GID8: variants seen among roughly 807,000 people sequenced by gnomAD.
GID8 encodes GID complex subunit 8 homolog.
In GID8, 6 loss-of-function variants were observed where a neutral mutation model predicts 27.4. That is an observed-to-expected ratio of 0.22 (90% CI 0.12 to 0.43). GID8 has a LOEUF of 0.43. GID8 is among the 20% of genes least tolerant of loss of function. The pLI, the probability that GID8 is intolerant of heterozygous loss-of-function variation, is 1.00. For synonymous variants in GID8, 112 were observed against 109.0 expected, an observed-to-expected ratio of 1.03 and a Z score of -0.17; for missense variants, 173 against 287.6, an observed-to-expected ratio of 0.60 and a Z score of 2.88.
chr20:62,943,669 C>T lies in GID8; in HGVS notation c.490C>T (p.Leu164Phe). The change falls in exon 4 of 5, where the codon CTC becomes TTC. Residue 164 changes from leucine (L) to phenylalanine (F), a missense_variant. Transcript: ENST00000266069. The surrounding 1 kb of genome is among the most constrained non-coding windows in gnomAD (Gnocchi z 4.7). ...SPEESPFGDL[L>F]HTMQRQKVWS... ...CGAGGAGTCGCCCTTCGGAGACCTC[C>T]TCCACACCATGCAGAGGCAGAAGGT... is the stretch of plus-strand genomic sequence containing the variant. 1 of 1,613,478 alleles carries T rather than the reference C, an allele frequency of 6.2e-7. No individual in the cohort carries two copies. The highest frequency in any genetic ancestry group is 8.5e-7 in the Non-Finnish European group (1 of 1,179,790).
In GID8 at chr20:62,943,043, G is replaced by A; in HGVS notation, c.175G>A (p.Val59Met). 3.7e-6 allele frequency: 6 copies of A among 1,614,110 alleles called. No individual in the cohort carries two copies. Among genetic ancestry groups the A allele is most frequent in the Non-Finnish European group, 5.1e-6 (6 of 1,179,938 alleles). ...FRMESGIEPS[V>M]DLETLDERIK... ...AATGGAATCTGGAATCGAACCTAGT[G>A]TGGATCTGGAAACACTTGATGAACG... Residue 59 changes from valine to methionine, a missense_variant, in exon 3 of 5, where the codon GTG becomes ATG. Coordinates refer to ENST00000266069, the MANE Select transcript of GID8 (RefSeq NM_017896.3). The surrounding 1 kb of genome is among the most constrained non-coding windows in gnomAD (Gnocchi z 4.7).
chr20:62,944,625 C>T, intron 4 of GID8, 114 bp from the exon 5 acceptor site: 1 of 745,726 alleles, frequency 1.3e-6, no homozygotes, highest in East Asian at 2.6e-5. Flanking sequence ...ATTTCATGTC[C>T]TGAGAGTGTC....
rs1247142625 is a variant in GID8, at chr20:62,946,871, C to G, written c.*1959C>G. The G allele has an allele frequency of 1.3e-5, 2 of 152,200 alleles. No homozygotes were observed. The highest frequency in any genetic ancestry group is 4.8e-5 in the African/African-American group (2 of 41,424). The allele number at this position is 152,200 out of a possible 1,614,324, so 9.4% of individuals were successfully genotyped here. A position where few individuals can be genotyped will look rare whatever the true frequency, so the allele number is the denominator to read the frequency against. ...ACAGCACCAGGTGATTCAGCATATT[C>G]CTAATTACCTTTCACTATTCGTGTA... On this transcript the variant is annotated 3_prime_UTR_variant, in exon 5 of 5. Transcript: ENST00000266069.
Position 62,938,179 on chromosome 20 carries a change from CCT to C in GID8, c.-83_-82del, listed in dbSNP as rs1277034487. The C allele has an allele frequency of 2.7e-5, 6 of 223,664 alleles. No individual in the cohort carries two copies. Among genetic ancestry groups the C allele is most frequent in the Admixed American group, 1.2e-4 (2 of 17,192 alleles). 13.9% of individuals were successfully genotyped at this position (223,664 alleles called of 1,614,324 possible). ...TACTCGGGCGCCCCGGCGGCCGCCACCTCTCCCCAGCCCAGGAGAGGCTGCGG... is the reference window on the plus strand; with the variant it reads ...TACTCGGGCGCCCCGGCGGCCGCCACCTCCCCAGCCCAGGAGAGGCTGCGG... On this transcript the variant is annotated 5_prime_UTR_variant, in exon 1 of 5. Coordinates refer to ENST00000266069, the MANE Select transcript of GID8 (RefSeq NM_017896.3).
At chr20:62,941,734 A>G (rs373881083) in intron 2 of GID8, 114 bp downstream of exon 2, 21 of 716,784 alleles carry the variant, frequency 2.9e-5, no homozygotes, top group African/African-American at 2.3e-4. Flanking sequence ...TTCAGACATT[A>G]TGAAAACACA....
Position 62,941,616 on chromosome 20 carries a change from C to G in GID8, c.114C>G (p.Val38=). ...DMNRLIMNYL[V]TEGFKEAAEK... ...ACCGCCTCATCATGAACTACCTGGTCACAGGTAATGGCTTACAGTGAGGAT... is the reference window on the plus strand; with the variant it reads ...ACCGCCTCATCATGAACTACCTGGTGACAGGTAATGGCTTACAGTGAGGAT... The change falls in exon 2 of 5, where the codon GTC becomes GTG. Residue 38 remains valine (V), a synonymous_variant. Coordinates refer to ENST00000266069, the MANE Select transcript of GID8 (RefSeq NM_017896.3). 3.3e-6 allele frequency: 5 copies of G among 1,504,162 alleles called. No homozygotes were observed. Among genetic ancestry groups the G allele is most frequent in the Non-Finnish European group, 4.6e-6 (5 of 1,079,328 alleles). 93.2% of individuals were successfully genotyped at this position (1,504,162 alleles called of 1,614,324 possible).
chr20:62,938,180 C>T lies in GID8; in HGVS notation c.-86C>T, dbSNP rs73611705. On this transcript the variant is annotated 5_prime_UTR_variant, in exon 1 of 5. Transcript: ENST00000266069. ...ACTCGGGCGCCCCGGCGGCCGCCAC[C>T]TCTCCCCAGCCCAGGAGAGGCTGCG... is the stretch of plus-strand genomic sequence containing the variant. 1.9e-4 allele frequency: 43 copies of T among 221,724 alleles called. No homozygotes were observed. In the East Asian group the frequency reaches 2.8e-3, roughly 14 times the overall value. 13.7% of individuals were successfully genotyped at this position (221,724 alleles called of 1,614,324 possible).
intron 1 of GID8, among the ~76,000 whole-genome samples, chr20:62,939,689 A>G (rs906342385): frequency 1.2e-4 from 18 of 152,092 alleles, no homozygotes; most frequent in African/African-American, 4.3e-4. Flanking sequence ...GACTCTGGCC[A>G]AAGCATCTTG....
At chr20:62,944,514 C>G (rs2065457067) in intron 4 of GID8, among the ~76,000 whole-genome samples, 1 of 152,216 alleles carries the variant, frequency 6.6e-6, no homozygotes. Flanking sequence ...CCAGTCCCCT[C>G]AGCACTTTGT....
At chr20:62,938,946 C>T (rs1485191620) in intron 1 of GID8, 6 of 152,102 alleles carry the variant, frequency 3.9e-5, no homozygotes, top group African/African-American at 1.4e-4. Flanking sequence ...GCGAGACTCC[C>T]TTCTCTGCTA....
chr20:62,938,355 C>T (rs2065416174), intron 1 of GID8, 102 bp downstream of exon 1: 1 of 151,212 alleles, frequency 6.6e-6, no homozygotes, highest in Non-Finnish European at 1.5e-5. Context: ...CGCCCCCGCT[C>T]TGGGGGCCTT....
At position 62,946,036 on chromosome 20, in the gene GID8, A is replaced by G. The variant is rs1171240135; in HGVS notation, c.*1124A>G. 3.1e-6 allele frequency: 4 copies of G among 1,288,088 alleles called. No individual in the cohort carries two copies. The Admixed American group carries it at 6.9e-5, about 22-fold the overall frequency. 79.8% of individuals were successfully genotyped at this position (1,288,088 alleles called of 1,614,324 possible). On this transcript the variant is annotated 3_prime_UTR_variant, in exon 5 of 5. Transcript: ENST00000266069. ...CATTGCCTGCGAGTCGGGACAGTTG[A>G]TGGGCACATGGCCTTGTAGCTCTGG...
At position 62,943,644 on chromosome 20, in the gene GID8, C is replaced by T. The variant is rs368932201; in HGVS notation, c.465C>T (p.Pro155=). The T allele has an allele frequency of 4.7e-5, 76 of 1,613,626 alleles. No homozygotes were observed. In the Middle Eastern group the frequency reaches 9.9e-4, roughly 21 times the overall value. The change falls in exon 4 of 5, where the codon CCC becomes CCT. Residue 155 remains proline, a synonymous_variant. Transcript: ENST00000266069. The surrounding 1 kb of genome is among the most constrained non-coding windows in gnomAD (Gnocchi z 4.7). ...TGGCACTGCTGGCCTTTGACAGTCCCGAGGAGTCGCCCTTCGGAGACCTCC... is the reference window on the plus strand; with the variant it reads ...TGGCACTGCTGGCCTTTGACAGTCCTGAGGAGTCGCCCTTCGGAGACCTCC... ...RTLALLAFDS[P]EESPFGDLLH...
intron 2 of GID8, among the ~76,000 whole-genome samples, chr20:62,942,503 C>T (rs1601071134): frequency 1.3e-5 from 2 of 152,200 alleles, no homozygotes; most frequent in African/African-American, 4.8e-5. Flanking sequence ...ATAATTATGT[C>T]AGGGGCAGGG....
At chr20:62,941,966 T>G (rs1279569956) in intron 2 of GID8, among the ~76,000 whole-genome samples, 1 of 152,184 alleles carries the variant, frequency 6.6e-6, no homozygotes, top group Non-Finnish European at 1.5e-5. Flanking sequence ...TTCTGGAAAG[T>G]ATGCCCAACT....
Position 62,942,981 on chromosome 20 carries a change from A to G in GID8, c.119-6A>G, listed in dbSNP as rs201241004. ...TCCTAGCAGTGAAGATGGTTTTTCT[A>G]TTCAGAGGGCTTTAAGGAAGCAGCG... On this transcript the variant is annotated splice_polypyrimidine_tract_variant and splice_region_variant and intron_variant, in intron 2 of 4. Coordinates refer to ENST00000266069, the MANE Select transcript of GID8 (RefSeq NM_017896.3). The G allele has an allele frequency of 1.9e-6, 3 of 1,607,036 alleles. No homozygotes were observed. The highest frequency in any genetic ancestry group is 1.7e-6 in the Non-Finnish European group (2 of 1,174,122).
In GID8 at chr20:62,941,539, G is replaced by T. The variant is rs779875971; in HGVS notation, c.37G>T (p.Asp13Tyr). 1 of 1,612,968 alleles carries T rather than the reference G, an allele frequency of 6.2e-7. No homozygotes were observed. The highest frequency in any genetic ancestry group is 1.1e-5 in the South Asian group (1 of 91,058). The change falls in exon 2 of 5, where the codon GAT becomes TAT. Residue 13 changes from aspartate to tyrosine, a missense_variant. Physicochemically the swap from Asp to Tyr is radical, Grantham distance 160 (BLOSUM62 -3). Transcript: ENST00000266069. ...AGAAAAACCCGATGAAATCACGAAA[G>T]ATGAGTGGATGGAAAAGCTCAATAA... ...YAEKPDEITK[D>Y]EWMEKLNNLH...
chr20:62,940,646 G>C (rs2065439293), intron 1 of GID8, among the ~76,000 whole-genome samples: 1 of 152,196 alleles, frequency 6.6e-6, no homozygotes, highest in Admixed American at 6.5e-5. Flanking sequence ...ACCGCGCCCG[G>C]CCGCAACTCT....
In GID8 at chr20:62,941,636, G is replaced by A. The variant is rs367647269; in HGVS notation, c.118+16G>A. On this transcript the variant is annotated intron_variant, in intron 2 of 4. Coordinates refer to ENST00000266069, the MANE Select transcript of GID8 (RefSeq NM_017896.3). The stretch of plus-strand genomic sequence containing the variant: ...CTGGTCACAGGTAATGGCTTACAGT[G>A]AGGATGCTGTTGCATGAATGTGATT... The A allele has an allele frequency of 2.8e-5, 37 of 1,332,106 alleles. No homozygotes were observed. In the African/African-American group the frequency reaches 4.2e-4, roughly 15 times the overall value. The allele number at this position is 1,332,106 out of a possible 1,614,324, so 82.5% of individuals were successfully genotyped here.
Sources: gnomAD v4.1 joint callset for allele counts (sites outside exome capture counted in the v4.1 genomes callset) on GRCh38, gnomAD v4.1.1 for gene constraint, Gnocchi (gnomAD v3.1) non-coding constraint, MANE v1.5 for transcripts, NCBI Gene and HGNC (gene_info 2026-07-23, HGNC 2026-07-21) for gene names.